The following IL31RA variants were observed in gnomAD, a reference collection of about 807,000 sequenced individuals.
IL31RA encodes the protein interleukin 31 receptor A, also known as interleukin-31 receptor subunit alpha.
Under a neutral mutation model 83.7 loss-of-function variants are expected in IL31RA, and 66 were observed. That is an observed-to-expected ratio of 0.79 (90% CI 0.65 to 0.97). The LOEUF (loss-of-function observed/expected upper bound fraction) is 0.97, where lower values mean the gene tolerates loss of function less well. Ranked by LOEUF, IL31RA falls within the 50% of genes least tolerant of loss-of-function variation. The pLI is 0.00. For synonymous variants in IL31RA, 325 were observed against 329.0 expected (o/e 0.99, Z 0.13); for missense variants, 798 against 919.4 (o/e 0.87, Z 1.71).
chr5:55,899,235 G>C (rs1382434740), intron 7 of IL31RA, among the ~76,000 whole-genome samples: 1 of 152,148 alleles, frequency 6.6e-6, no homozygotes. Context: ...CCATCTATGT[G>C]TATAATCAGT....
rs869152529 is a variant in IL31RA, at chr5:55,879,425, CTTTTTTTT to C, written c.455-3601_455-3594del. On this transcript the variant is annotated intron_variant, in intron 4 of 14. Transcript: ENST00000652347. Reference sequence around the variant, plus strand: ...AAGTTTAGTTCAGCCAGTTTCTGTCCTTTTTTTTTTTTTTTTTTTTTTTTTGAGATGGA... The same window carrying C: ...AAGTTTAGTTCAGCCAGTTTCTGTCCTTTTTTTTTTTTTTTTTGAGATGGA... Among the ~76,000 whole-genome samples, 26 of 45,798 alleles carry C rather than the reference CTTTTTTTT, an allele frequency of 5.7e-4. 1 individual carries two copies. The highest frequency in any genetic ancestry group is 2.7e-3 in the East Asian group (3 of 1,102). The allele number at this position is 45,798 out of a possible 152,430, so 30.0% of individuals were successfully genotyped here. A position where few individuals can be genotyped will look rare whatever the true frequency, so the allele number is the denominator to read the frequency against.
chr5:55,868,699 G>A (rs1459396742), intron 2 of IL31RA, 92 bp from the exon 3 acceptor site: 3 of 839,148 alleles, frequency 3.6e-6, no homozygotes, highest in Non-Finnish European at 6.2e-6. Flanking sequence ...CTTTTGATCA[G>A]CATATTTTCC....
upstream of IL31RA, among the ~76,000 whole-genome samples, chr5:55,851,100 GA>G (rs56889138): frequency 1.6e-3 from 222 of 138,640 alleles, no homozygotes; most frequent in African/African-American, 4.7e-3. Flanking sequence ...TGTCTCAGAA[GA>G]AAAAAAAAAA....
In IL31RA at chr5:55,877,242, C is replaced by T. The variant is rs373985067; in HGVS notation, c.454+4791C>T. Among the ~76,000 whole-genome samples the T allele has an allele frequency of 4.5e-4, 69 of 152,314 alleles. No individual in the cohort carries two copies. The South Asian group carries it at 0.013, about 28-fold the overall frequency. Reference sequence around the variant, plus strand: ...AATTGCATATAAAACTCTACTCCTACACAGCTTCATTCCCCATCCCCATTT... The same window carrying T: ...AATTGCATATAAAACTCTACTCCTATACAGCTTCATTCCCCATCCCCATTT... On this transcript the variant is annotated intron_variant, in intron 4 of 14. Coordinates refer to ENST00000652347, the MANE Select transcript of IL31RA (RefSeq NM_139017.7).
chr5:55,905,052 T>C (rs1479053765), intron 8 of IL31RA, among the ~76,000 whole-genome samples: 3 of 151,464 alleles, frequency 2.0e-5, no homozygotes, highest in Admixed American at 2.0e-4. Flanking sequence ...ATACAAAAAA[T>C]TAGCCAGGTG....
intron 1 of IL31RA, among the ~76,000 whole-genome samples, chr5:55,852,864 T>G (rs1401959633): frequency 6.6e-6 from 1 of 152,228 alleles, no homozygotes; most frequent in Non-Finnish European, 1.5e-5. Context: ...TTTCCTTGCC[T>G]ATAAAGTGGG....
chr5:55,847,183 T>G (rs1214581627), upstream of IL31RA, among the ~76,000 whole-genome samples: 1 of 139,120 alleles, frequency 7.2e-6, no homozygotes, highest in Non-Finnish European at 1.5e-5. Flanking sequence ...GTGGAGGTTG[T>G]GGTGAGCCGA....
At chr5:55,860,772 G>A (rs1745629228) in intron 2 of IL31RA, among the ~76,000 whole-genome samples, 1 of 152,214 alleles carries the variant, frequency 6.6e-6, no homozygotes, top group African/African-American at 2.4e-5. Flanking sequence ...GTGGGAAGGT[G>A]GGGAAGGCGT....
chr5:55,868,661 C>T (rs1580671180), intron 2 of IL31RA, 130 bp from the exon 3 acceptor site: 3 of 753,330 alleles, frequency 4.0e-6, no homozygotes, highest in South Asian at 1.4e-5. Flanking sequence ...TGCTAGGTTA[C>T]ACCTAGCAAC....
chr5:55,873,103 C>A (rs1746633933), intron 4 of IL31RA, among the ~76,000 whole-genome samples: 1 of 152,144 alleles, frequency 6.6e-6, no homozygotes, highest in Admixed American at 6.6e-5. Context: ...TCTCTGGCAA[C>A]CACTAATCTA....
the IL31RA span, among the ~76,000 whole-genome samples, chr5:55,846,000 GT>G: frequency 2.0e-5 from 3 of 152,150 alleles, no homozygotes; most frequent in African/African-American, 7.2e-5. Flanking sequence ...GCTCCCTGGA[GT>G]TTTTGACTCT....
rs566355971 is a variant in IL31RA, at chr5:55,917,382, G to C, written c.*262G>C. On this transcript the variant is annotated 3_prime_UTR_variant, in exon 15 of 15. Coordinates refer to ENST00000652347, the MANE Select transcript of IL31RA (RefSeq NM_139017.7). Reference sequence around the variant, plus strand: ...GTTCAGATACCAAGCTCTCACCGAGGCCTCCTGACAGATTGACTTTGAAGG... The same window carrying C: ...GTTCAGATACCAAGCTCTCACCGAGCCCTCCTGACAGATTGACTTTGAAGG... The C allele has an allele frequency of 5.6e-4, 709 of 1,270,974 alleles. No individual in the cohort carries two copies. Among genetic ancestry groups the C allele is most frequent in the Non-Finnish European group, 6.7e-4 (661 of 986,054 alleles). 78.7% of individuals were successfully genotyped at this position (1,270,974 alleles called of 1,614,324 possible). A position where few individuals can be genotyped will look rare whatever the true frequency, so the allele number is the denominator to read the frequency against.
At chr5:55,907,736 A>G (rs1749245763) in intron 10 of IL31RA, among the ~76,000 whole-genome samples, 1 of 152,262 alleles carries the variant, frequency 6.6e-6, no homozygotes, top group Non-Finnish European at 1.5e-5. Context: ...CAGTGCAAAT[A>G]GAGCTGCTAC....
chr5:55,886,883 TC>T (rs1381505409), intron 5 of IL31RA, among the ~76,000 whole-genome samples: 1 of 152,194 alleles, frequency 6.6e-6, no homozygotes, highest in Non-Finnish European at 1.5e-5. Flanking sequence ...CTGACATATT[TC>T]CTTCTGAGGG....
chr5:55,910,517 G>T lies in IL31RA; in HGVS notation c.1502-15G>T. The T allele has an allele frequency of 3.7e-6, 6 of 1,614,028 alleles. No homozygotes were observed. Among genetic ancestry groups the T allele is most frequent in the Non-Finnish European group, 5.1e-6 (6 of 1,179,942 alleles). On this transcript the variant is annotated splice_polypyrimidine_tract_variant and intron_variant, in intron 11 of 14. Coordinates refer to ENST00000652347, the MANE Select transcript of IL31RA (RefSeq NM_139017.7). ...GGTTTGGCTGTGGTGTTTGACCTTT[G>T]TATTTTTCCTTTAGCCAAGACAGTC...
At chr5:55,909,637 T>C (rs573685117) in intron 11 of IL31RA, among the ~76,000 whole-genome samples, 4 of 152,310 alleles carry the variant, frequency 2.6e-5, no homozygotes, top group African/African-American at 7.2e-5. Flanking sequence ...GGTTATCTCA[T>C]TGACTTGCAT....
Position 55,903,467 on chromosome 5 carries a change from G to A in IL31RA, c.1070-2639G>A, listed in dbSNP as rs79977443. ...GAATGATGGAAGGACCCGGCGATTCGTTTATATTGAGTAGAGTGATGACTT... is the reference window on the plus strand; with the variant it reads ...GAATGATGGAAGGACCCGGCGATTCATTTATATTGAGTAGAGTGATGACTT... On this transcript the variant is annotated intron_variant, in intron 8 of 14. Coordinates refer to ENST00000652347, the MANE Select transcript of IL31RA (RefSeq NM_139017.7). The surrounding 1 kb of genome is among the most constrained non-coding windows in gnomAD (Gnocchi z 4.7). Among the ~76,000 whole-genome samples, 4 of 152,316 alleles carry A rather than the reference G, an allele frequency of 2.6e-5. 1 individual carries two copies. Among genetic ancestry groups the A allele is most frequent in the South Asian group, 4.1e-4 (2 of 4,826 alleles).
At chr5:55,855,190 G>T (rs1421272432) in intron 1 of IL31RA, among the ~76,000 whole-genome samples, 1 of 151,950 alleles carries the variant, frequency 6.6e-6, no homozygotes, top group African/African-American at 2.4e-5. Flanking sequence ...TGCTGCCCAG[G>T]CTGGAGTGCA....
In IL31RA at chr5:55,919,431, C is replaced by A. The variant is rs1018666466; in HGVS notation, c.*2311C>A. Among the ~76,000 whole-genome samples, 1 of 152,214 alleles carries A rather than the reference C, an allele frequency of 6.6e-6. No homozygotes were observed. Among genetic ancestry groups the A allele is most frequent in the Non-Finnish European group, 1.5e-5 (1 of 68,032 alleles). On this transcript the variant is annotated 3_prime_UTR_variant, in exon 15 of 15. Transcript: ENST00000652347. ...TGTTGCCCTCTGGCCCCTGCTCCTT[C>A]ATCATCAAAGCTGGAAGCGTCTTTT...
Sources: allele counts gnomAD v4.1 joint callset (sites outside exome capture counted in the v4.1 genomes callset), GRCh38; gene constraint gnomAD v4.1.1; non-coding constraint Gnocchi (gnomAD v3.1); transcripts MANE v1.5; gene names NCBI Gene and HGNC (gene_info 2026-07-23, HGNC 2026-07-21).